Variants in ZXDC observed in about 807,000 individuals in gnomAD.
ZXDC encodes the protein ZXD family zinc finger C.
In ZXDC, 58 loss-of-function variants were observed where a neutral mutation model predicts 63.6. The observed-to-expected ratio is 0.91, with a 90% CI of 0.74 to 1.13. ZXDC has a LOEUF of 1.13. ZXDC is among the 50% of genes most tolerant of loss of function. The probability of loss-of-function intolerance (pLI) is 0.00; values close to 1 mark genes in which losing one functional copy is unlikely to be tolerated. For synonymous variants in ZXDC, 561 were observed against 496.1 expected, an observed-to-expected ratio of 1.13 and a Z score of -1.74; for missense variants, 1,133 against 1,148.9, an observed-to-expected ratio of 0.99 and a Z score of 0.20.
At chr3:126,455,453 T>C (rs971940156) in intron 7 of ZXDC, among the ~76,000 whole-genome samples, 4 of 152,152 alleles carry the variant, frequency 2.6e-5, no homozygotes, top group Non-Finnish European at 5.9e-5. Flanking sequence ...GGATTCTATA[T>C]ACCATCCTCT....
intron 8 of ZXDC, 39 bp downstream of exon 8, chr3:126,441,726 C>A (rs773646441): frequency 3.3e-6 from 5 of 1,529,284 alleles, no homozygotes; most frequent in Non-Finnish European, 4.4e-6. Flanking sequence ...ACCCTCCCAC[C>A]CCGCCTACAG....
rs1410813027 is a variant in ZXDC, at chr3:126,475,013, A to C, written c.853T>G (p.Ser285Ala). 6.3e-7 allele frequency: 1 copy of C among 1,596,638 alleles called. No individual in the cohort carries two copies. Among genetic ancestry groups the C allele is most frequent in the Non-Finnish European group, 8.5e-7 (1 of 1,172,446 alleles). ...ERFPTHAKLS[S>A]HQRSHFEPER... ...GGCTCGAAGTGGCTGCGCTGGTGGG[A>C]GCTGAGCTTGGCGTGCGTGGGGAAG... is the stretch of plus-strand genomic sequence containing the variant. Residue 285 changes from serine (S) to alanine (A), a missense_variant, in exon 1 of 10, where the codon TCC (serine) becomes GCC (alanine). By Grantham distance (99) the Ser-to-Ala change is moderately conservative. Coordinates refer to ENST00000389709, the MANE Select transcript of ZXDC (RefSeq NM_025112.5).
At chr3:126,446,747 T>C (rs1168607374) in intron 7 of ZXDC, among the ~76,000 whole-genome samples, 1 of 152,008 alleles carries the variant, frequency 6.6e-6, no homozygotes, top group East Asian at 1.9e-4. Context: ...AGATATAATA[T>C]GTTAATATAC....
At chr3:126,439,440 G>A (rs1439168588) in intron 9 of ZXDC, among the ~76,000 whole-genome samples, 192 bp downstream of exon 9, 2 of 152,200 alleles carry the variant, frequency 1.3e-5, no homozygotes, top group Non-Finnish European at 2.9e-5. Flanking sequence ...AGGAGCTGCA[G>A]CGTCCTGCAG....
intron 1 of ZXDC, among the ~76,000 whole-genome samples, chr3:126,472,799 C>CA (rs1462311602): frequency 6.6e-6 from 1 of 152,188 alleles, no homozygotes; most frequent in African/African-American, 2.4e-5. Context: ...CAACTGCCAG[C>CA]CCTGTCCCTT....
chr3:126,459,598 G>C (rs956294832), intron 7 of ZXDC, 55 bp downstream of exon 7: 3 of 1,612,314 alleles, frequency 1.9e-6, no homozygotes, highest in East Asian at 4.5e-5. Context: ...GCCAGTAACA[G>C]TGACAGAGAA....
At chr3:126,466,468 G>A in intron 4 of ZXDC, 143 bp from the exon 5 acceptor site, 4 of 845,544 alleles carry the variant, frequency 4.7e-6, no homozygotes, top group East Asian at 5.3e-5. Flanking sequence ...AATATCTCTA[G>A]AAGTAGCATC....
At position 126,438,409 on chromosome 3, in the gene ZXDC, G is replaced by A. The variant is rs1268108422; in HGVS notation, c.2543C>T (p.Pro848Leu). ...GPAGPEATQFPGSTINLQDLQ is the reference protein window; with the variant it reads ...GPAGPEATQFLGSTINLQDLQ ...ATCCTGCAGGTTGATAGTGCTTCCT[G>A]GGAACTGGGTGGCCTCCGGTCCAGC... The change falls in exon 10 of 10, where the codon CCA becomes CTA. Residue 848 changes from proline (P) to leucine (L), a missense_variant. Physicochemically the swap from Pro to Leu is moderately conservative, Grantham distance 98. Transcript: ENST00000389709. The A allele has an allele frequency of 1.2e-6, 2 of 1,613,716 alleles. No homozygotes were observed. Among genetic ancestry groups the A allele is most frequent in the African/African-American group, 1.3e-5 (1 of 74,924 alleles).
intron 7 of ZXDC, among the ~76,000 whole-genome samples, chr3:126,458,237 C>CTT (rs11289191): frequency 8.6e-6 from 1 of 116,056 alleles, no homozygotes; most frequent in African/African-American, 3.2e-5. Context: ...AATGTCCTTA[C>CTT]TTTTTTTTTT....
rs1241803086 is a variant in ZXDC at position 126,461,111 on chromosome 3, TAA to T, written c.2127+422_2127+423del. 6 of 987,516 alleles carry T rather than the reference TAA, an allele frequency of 6.1e-6. No individual in the cohort carries two copies. The African/African-American group carries it at 7.0e-5, about 11-fold the overall frequency. The allele number at this position is 987,516 out of a possible 1,614,324, so 61.2% of individuals were successfully genotyped here. A position where few individuals can be genotyped will look rare whatever the true frequency, so the allele number is the denominator to read the frequency against. On this transcript the variant is annotated intron_variant, in intron 6 of 9. Coordinates refer to ENST00000389709, the MANE Select transcript of ZXDC (RefSeq NM_025112.5). ...TTTTTTTTCTTGTTAATTCTAATTT[TAA>T]AAAAGAGTTTGGTATGGTTTTAAAG...
intron 7 of ZXDC, chr3:126,450,159 G>C (rs546029750): frequency 1.9e-5 from 7 of 363,656 alleles, no homozygotes; most frequent in Non-Finnish European, 3.8e-5. Context: ...ACCCTCACAG[G>C]AAGTGTACAA....
chr3:126,465,018 CTGTGCGAGGCATGGAGGCCTGTCCCT>C (rs1490848143), intron 5 of ZXDC, among the ~76,000 whole-genome samples: 14 of 152,254 alleles, frequency 9.2e-5, no homozygotes, highest in African/African-American at 3.4e-4. Context: ...TCACCAAACT[CTGTGCGAGGCATGGAGGCCTGTCCCT>C]TGCCAACGCG....
Position 126,475,355 on chromosome 3 carries a change from T to C in ZXDC, c.511A>G (p.Ser171Gly), listed in dbSNP as rs914725847. 18 of 1,501,250 alleles carry C rather than the reference T, an allele frequency of 1.2e-5. No homozygotes were observed. Among genetic ancestry groups the C allele is most frequent in the Non-Finnish European group, 1.6e-5 (18 of 1,123,828 alleles). The allele number at this position is 1,501,250 out of a possible 1,614,324, so 93.0% of individuals were successfully genotyped here. The change falls in exon 1 of 10, where the codon AGC becomes GGC. Residue 171 changes from serine (S) to glycine (G), a missense_variant. Physicochemically the swap from Ser to Gly is moderately conservative, Grantham distance 56. Coordinates refer to ENST00000389709, the MANE Select transcript of ZXDC (RefSeq NM_025112.5). ...PRRAPQASGP[S>G]TPGYRCPEPQ... ...TCGGGGCAGCGGTAGCCGGGCGTGC[T>C]GGGGCCGGAGGCCTGGGGCGCGCGG...
rs1311111737 is a variant in ZXDC at position 126,461,776 on chromosome 3, G to A, written c.1886C>T (p.Ser629Phe). The A allele has an allele frequency of 6.2e-7, 1 of 1,614,120 alleles. No individual in the cohort carries two copies. Among genetic ancestry groups the A allele is most frequent in the Non-Finnish European group, 8.5e-7 (1 of 1,180,014 alleles). The stretch of plus-strand genomic sequence containing the variant: ...GATATGTGCTGCTAAGTTACTATTG[G>A]AGGTCAAAGCCAGTGGGTCGTCACT... ...NLSDDPLALTSNSNLAAHITT... is the reference protein window; with the variant it reads ...NLSDDPLALTFNSNLAAHITT... The change falls in exon 6 of 10, where the codon TCC becomes TTC. Residue 629 changes from serine (S) to phenylalanine (F), a missense_variant. Coordinates refer to ENST00000389709, the MANE Select transcript of ZXDC (RefSeq NM_025112.5).
At chr3:126,471,883 A>G in intron 3 of ZXDC, 90 bp downstream of exon 3, 1 of 1,123,450 alleles carries the variant, frequency 8.9e-7, no homozygotes, top group Non-Finnish European at 1.2e-6. Context: ...AACTTAAAAA[A>G]TGTCTACAGA....
At chr3:126,460,153 G>A in intron 6 of ZXDC, 3 of 985,148 alleles carry the variant, frequency 3.0e-6, no homozygotes, top group Non-Finnish European at 3.6e-6. Flanking sequence ...TCCCACCTTA[G>A]AGACCCACTG....
In ZXDC at chr3:126,472,148, A is replaced by T. The variant is rs1422051760; in HGVS notation, c.1060+5T>A. ...CCAAATGCTGTGCGTTCCCTAGCTC[A>T]TTACCTGTATGGCTCCGCAGGTGAA... On this transcript the variant is annotated splice_donor_5th_base_variant and intron_variant, in intron 2 of 9. Transcript: ENST00000389709. The T allele has an allele frequency of 1.9e-6, 3 of 1,609,638 alleles. No homozygotes were observed. Among genetic ancestry groups the T allele is most frequent in the Non-Finnish European group, 2.6e-6 (3 of 1,176,278 alleles).
intron 8 of ZXDC, 44 bp downstream of exon 8, chr3:126,441,721 C>G: frequency 6.6e-7 from 1 of 1,525,168 alleles, no homozygotes; most frequent in Non-Finnish European, 8.7e-7. Context: ...GCGTGACCCT[C>G]CCACCCCGCC....
chr3:126,460,407 T>G, intron 6 of ZXDC: 1 of 929,634 alleles, frequency 1.1e-6, no homozygotes, highest in Non-Finnish European at 1.3e-6. Flanking sequence ...CCATTTGTAC[T>G]CAGAGAAGCG....
Sources: allele counts gnomAD v4.1 joint callset (sites outside exome capture counted in the v4.1 genomes callset), GRCh38; gene constraint gnomAD v4.1.1; transcripts MANE v1.5; gene names NCBI Gene and HGNC (gene_info 2026-07-23, HGNC 2026-07-21).